MYO3A: variants seen among roughly 807,000 people sequenced by gnomAD.
MYO3A encodes the protein myosin-IIIa.
Under a neutral mutation model 192.7 loss-of-function variants are expected in MYO3A, and 180 were observed. That is an observed-to-expected ratio of 0.93 (90% CI 0.83 to 1.06). MYO3A has a LOEUF of 1.06. MYO3A is among the 50% of genes least tolerant of loss of function. MYO3A has a pLI of 0.00. For missense variants in MYO3A, 1,896 were observed against 1,905.0 expected (o/e 1.00, Z 0.09); for synonymous variants, 628 against 645.3 (o/e 0.97, Z 0.41).
intron 31 of MYO3A, among the ~76,000 whole-genome samples, chr10:26,178,225 G>A (rs1842425667): frequency 6.6e-6 from 1 of 152,220 alleles, no homozygotes; most frequent in African/African-American, 2.4e-5. Flanking sequence ...GGGAAGCAAG[G>A]AAGCCAGGCA....
intron 10 of MYO3A, among the ~76,000 whole-genome samples, chr10:26,059,529 C>A (rs1834330863): frequency 6.6e-6 from 1 of 152,230 alleles, no homozygotes; most frequent in Non-Finnish European, 1.5e-5. Context: ...TACAAACACT[C>A]TTCCTCAGGT....
chr10:26,026,398 A>G lies in MYO3A; in HGVS notation c.819A>G (p.Glu273=). The G allele has an allele frequency of 5.0e-6, 8 of 1,614,150 alleles. No homozygotes were observed. The highest frequency in any genetic ancestry group is 5.9e-6 in the Non-Finnish European group (7 of 1,180,006). The change falls in exon 10 of 35, where the codon GAA becomes GAG. Residue 273 remains glutamate (E), a synonymous_variant. Coordinates refer to ENST00000642920, the MANE Select transcript of MYO3A (RefSeq NM_017433.5). ...GCAGGTGCTTGACTAAAGATTATGA[A>G]AAGCGTCCAACAGTGTCAGAACTTT... ...FISKCLTKDY[E]KRPTVSELLQ... is the part of the protein sequence containing the mutation.
At chr10:25,987,002 C>T (rs529999700) in intron 4 of MYO3A, among the ~76,000 whole-genome samples, 5 of 152,196 alleles carry the variant, frequency 3.3e-5, no homozygotes, top group Non-Finnish European at 5.9e-5. Flanking sequence ...GGTACTGATA[C>T]GAAAACAGGC....
At chr10:26,004,461 A>G (rs1284375279) in intron 6 of MYO3A, among the ~76,000 whole-genome samples, 1 of 151,334 alleles carries the variant, frequency 6.6e-6, no homozygotes, top group African/African-American at 2.4e-5. Flanking sequence ...AAACATATAA[A>G]AATAAATATA....
chr10:25,985,163 C>T (rs1039974518), intron 4 of MYO3A, among the ~76,000 whole-genome samples: 13 of 146,428 alleles, frequency 8.9e-5, no homozygotes, highest in Middle Eastern at 3.6e-3. Flanking sequence ...ACTTGAACCG[C>T]GGAGGCAGAG....
chr10:26,022,915 G>A (rs1842379418), intron 8 of MYO3A: 1 of 152,186 alleles, frequency 6.6e-6, no homozygotes. Flanking sequence ...TCTACCAGCA[G>A]TGGAATTCCA....
At chr10:26,007,801 T>C (rs1433449140) in intron 6 of MYO3A, among the ~76,000 whole-genome samples, 1 of 151,124 alleles carries the variant, frequency 6.6e-6, no homozygotes, top group Non-Finnish European at 1.5e-5. Flanking sequence ...AAAATGGCCA[T>C]ACTACCCAAG....
chr10:26,053,088 A>C (rs1045112285), intron 10 of MYO3A, among the ~76,000 whole-genome samples: 1 of 152,200 alleles, frequency 6.6e-6, no homozygotes, highest in Non-Finnish European at 1.5e-5. Context: ...AAGTAACAAG[A>C]ATGGAAAGAG....
At chr10:26,106,051 T>C (rs1837779118) in intron 17 of MYO3A, among the ~76,000 whole-genome samples, 1 of 152,102 alleles carries the variant, frequency 6.6e-6, no homozygotes, top group African/African-American at 2.4e-5. Flanking sequence ...GTTTTTCTAG[T>C]AAGGCTATTC....
intron 21 of MYO3A, among the ~76,000 whole-genome samples, chr10:26,143,825 C>A (rs569963069): frequency 1.3e-5 from 2 of 152,262 alleles, no homozygotes; most frequent in African/African-American, 4.8e-5. Context: ...TATTGGACTT[C>A]TCCTTATTTT....
At chr10:26,079,470 AAGTGG>A (rs1392821725) in intron 14 of MYO3A, among the ~76,000 whole-genome samples, 1 of 152,192 alleles carries the variant, frequency 6.6e-6, no homozygotes, top group Non-Finnish European at 1.5e-5. Context: ...CGTATCTTTT[AAGTGG>A]AGCCTTTAGG....
chr10:25,957,072 T>C (rs1003665173), intron 4 of MYO3A, among the ~76,000 whole-genome samples: 1 of 152,196 alleles, frequency 6.6e-6, no homozygotes, highest in African/African-American at 2.4e-5. Context: ...CAGTCTTTTT[T>C]ATGGCTGCAT....
At chr10:26,066,343 C>T (rs12785116) in intron 10 of MYO3A, among the ~76,000 whole-genome samples, 72,198 of 151,902 alleles carry the variant, frequency 0.48, 17,948 homozygotes, top group Middle Eastern at 0.59. Flanking sequence ...GAAATACAAT[C>T]ATCCCCAAAA....
At chr10:26,166,043 A>G (rs1841726451) in intron 26 of MYO3A, 24 bp from the exon 27 acceptor site, 7 of 1,596,658 alleles carry the variant, frequency 4.4e-6, no homozygotes, top group East Asian at 2.2e-5. Flanking sequence ...TGCAATACTA[A>G]CCAGCCCTTT....
intron 20 of MYO3A, among the ~76,000 whole-genome samples, chr10:26,141,821 A>AT (rs1840183846): frequency 6.6e-6 from 1 of 152,058 alleles, no homozygotes; most frequent in Non-Finnish European, 1.5e-5. Flanking sequence ...TATTCTTCTC[A>AT]TTTTTATGCA....
At position 26,096,686 on chromosome 10, in the gene MYO3A, A is replaced by G. The variant is rs750404923; in HGVS notation, c.1776+4A>G. 6.5e-7 allele frequency: 1 copy of G among 1,535,924 alleles called. No homozygotes were observed. On this transcript the variant is annotated splice_donor_region_variant and intron_variant, in intron 17 of 34. Coordinates refer to ENST00000642920, the MANE Select transcript of MYO3A (RefSeq NM_017433.5). ...AGTCATAGGTTTTACAATGGAGGTA[A>G]GTATGAAAGACACTTGAACTTCTTT...
chr10:26,082,709 C>A (rs1836039199), intron 14 of MYO3A, among the ~76,000 whole-genome samples: 1 of 152,060 alleles, frequency 6.6e-6, no homozygotes, highest in Non-Finnish European at 1.5e-5. Flanking sequence ...TAACACTATA[C>A]TGTAATAAAG....
At chr10:25,974,263 T>G (rs1012765566) in intron 4 of MYO3A, among the ~76,000 whole-genome samples, 1 of 152,192 alleles carries the variant, frequency 6.6e-6, no homozygotes, top group African/African-American at 2.4e-5. Flanking sequence ...AACCTGCACA[T>G]TCTGCACATG....
intron 14 of MYO3A, among the ~76,000 whole-genome samples, chr10:26,077,455 C>T (rs942112012): frequency 1.3e-5 from 2 of 151,264 alleles, no homozygotes; most frequent in Non-Finnish European, 1.5e-5. Flanking sequence ...AGTGACAGTT[C>T]GACTTCCTCT....
Sources: allele counts gnomAD v4.1 joint callset (sites outside exome capture counted in the v4.1 genomes callset), GRCh38; gene constraint gnomAD v4.1.1; transcripts MANE v1.5; gene names NCBI Gene and HGNC (gene_info 2026-07-23, HGNC 2026-07-21).